Variants in NOP58 observed in about 807,000 individuals in gnomAD.
The protein encoded by NOP58 is nucleolar protein 58.
Under a neutral mutation model 71.2 loss-of-function variants are expected in NOP58, and 44 were observed. The observed-to-expected ratio is 0.62, with a 90% CI of 0.49 to 0.79. The LOEUF (loss-of-function observed/expected upper bound fraction) is 0.79. Among genes scored for constraint, NOP58 ranks in the 30% least tolerant of loss-of-function variants. The pLI, the probability that NOP58 is intolerant of heterozygous loss-of-function variation, is 0.00. For missense variants in NOP58, 538 were observed against 620.2 expected, an observed-to-expected ratio of 0.87 and a Z score of 1.41; for synonymous variants, 228 against 200.3, an observed-to-expected ratio of 1.14 and a Z score of -1.17.
intron 9 of NOP58, among the ~76,000 whole-genome samples, chr2:202,295,116 A>G: frequency 6.6e-6 from 1 of 152,230 alleles, no homozygotes; most frequent in East Asian, 1.9e-4. Context: ...TGGGATAGCA[A>G]GAGATTTAAA....
rs892382707 is a variant in NOP58, at chr2:202,290,545, A to G, written c.634+88A>G. Reference sequence around the variant, plus strand: ...ATGACGTATAGCATTTTGTTAAGCAAGATTCCCAGGGTTTTTGCAATTTCT... The same window carrying G: ...ATGACGTATAGCATTTTGTTAAGCAGGATTCCCAGGGTTTTTGCAATTTCT... On this transcript the variant is annotated intron_variant, in intron 7 of 14. Coordinates refer to ENST00000264279, the MANE Select transcript of NOP58 (RefSeq NM_015934.5). The G allele has an allele frequency of 4.9e-6, 6 of 1,212,980 alleles. No individual in the cohort carries two copies. The African/African-American group carries it at 6.1e-5, about 12-fold the overall frequency. 75.1% of individuals were successfully genotyped at this position (1,212,980 alleles called of 1,614,324 possible).
intron 1 of NOP58, among the ~76,000 whole-genome samples, chr2:202,268,591 G>GGAAGTTTTTT (rs1276893709): frequency 6.6e-6 from 1 of 151,436 alleles, no homozygotes; most frequent in Non-Finnish European, 1.5e-5. Context: ...GAATGCTTTA[G>GGAAGTTTTTT]GAAGTTTTTT....
intron 12 of NOP58, among the ~76,000 whole-genome samples, chr2:202,298,507 C>T (rs1689035326): frequency 6.6e-6 from 1 of 152,038 alleles, no homozygotes; most frequent in Non-Finnish European, 1.5e-5. Flanking sequence ...AAAAAATTAA[C>T]TGGGTGTGGT....
At chr2:202,297,310 T>TA (rs1689010856) in intron 10 of NOP58, 69 bp from the exon 11 acceptor site, 1 of 1,410,170 alleles carries the variant, frequency 7.1e-7, no homozygotes, top group Non-Finnish European at 9.8e-7. Flanking sequence ...CTCCTGATTT[T>TA]AAAACATCCA....
chr2:202,287,064 C>CT (rs11326861), intron 5 of NOP58, among the ~76,000 whole-genome samples: 3,895 of 110,710 alleles, frequency 0.035, 170 homozygotes, highest in East Asian at 0.044. Context: ...ACCAATATGG[C>CT]TTTTTTTTTT....
chr2:202,298,155 C>G (rs1445834949), intron 12 of NOP58, among the ~76,000 whole-genome samples: 2 of 152,122 alleles, frequency 1.3e-5, no homozygotes, highest in African/African-American at 4.8e-5. Flanking sequence ...ACCTTAAAAT[C>G]TACTTAGCAA....
chr2:202,267,713 A>G (rs1311222355), intron 1 of NOP58, among the ~76,000 whole-genome samples: 1 of 152,174 alleles, frequency 6.6e-6, no homozygotes, highest in Non-Finnish European at 1.5e-5. Flanking sequence ...AACTCTGCAC[A>G]GTGCACTGGT....
chr2:202,267,297 G>A (rs920121890), intron 1 of NOP58, among the ~76,000 whole-genome samples: 3 of 152,170 alleles, frequency 2.0e-5, no homozygotes, highest in Admixed American at 6.5e-5. Flanking sequence ...CATTTGTGGT[G>A]TGGATGCAAG....
chr2:202,281,496 G>C (rs896142901), intron 3 of NOP58, among the ~76,000 whole-genome samples: 1 of 152,124 alleles, frequency 6.6e-6, no homozygotes, highest in Non-Finnish European at 1.5e-5. Context: ...CTGGAGTACA[G>C]CGGCATGATC....
At chr2:202,272,872 C>T (rs1361016551) in intron 1 of NOP58, among the ~76,000 whole-genome samples, 3 of 152,306 alleles carry the variant, frequency 2.0e-5, no homozygotes, top group East Asian at 1.9e-4. Context: ...GGGTGGCTCA[C>T]GCCTGTAATC....
intron 1 of NOP58, among the ~76,000 whole-genome samples, chr2:202,274,103 A>T (rs942334911): frequency 6.6e-6 from 1 of 152,230 alleles, no homozygotes. Flanking sequence ...AATTTCTCAC[A>T]TCTAGATGTG....
chr2:202,302,808 A>G, intron 13 of NOP58, 113 bp from the exon 14 acceptor site: 2 of 1,393,500 alleles, frequency 1.4e-6, no homozygotes, highest in South Asian at 3.0e-5. Context: ...AACAAAACAA[A>G]CATTGGGTAG....
rs1243233503 is a variant in NOP58 at position 202,299,943 on chromosome 2, TC to T, written c.1269-286del. Reference sequence around the variant, plus strand: ...TGTGAAGACGTTTTCTCCTTTCATTTCCCCCATGCTGATTGAGTGTTTTCCT... The same window carrying T: ...TGTGAAGACGTTTTCTCCTTTCATTTCCCCATGCTGATTGAGTGTTTTCCT... On this transcript the variant is annotated intron_variant, in intron 12 of 14. Transcript: ENST00000264279. 5 of 211,162 alleles carry T rather than the reference TC, an allele frequency of 2.4e-5. No individual in the cohort carries two copies. In the South Asian group the frequency reaches 3.3e-4, roughly 14 times the overall value. 13.1% of individuals were successfully genotyped at this position (211,162 alleles called of 1,614,324 possible).
chr2:202,295,895 C>T, intron 10 of NOP58, 58 bp downstream of exon 10: 1 of 1,371,926 alleles, frequency 7.3e-7, no homozygotes, highest in African/African-American at 1.5e-5. Flanking sequence ...TTTTACAACC[C>T]ATTTTTCTTC....
At position 202,302,932 on chromosome 2, in the gene NOP58, G is replaced by A; in HGVS notation, c.1414G>A (p.Glu472Lys). The change falls in exon 14 of 15, where the codon GAA becomes AAA. Residue 472 changes from glutamate to lysine, a missense_variant. Physicochemically the swap from Glu to Lys is moderately conservative, Grantham distance 56. Coordinates refer to ENST00000264279, the MANE Select transcript of NOP58 (RefSeq NM_015934.5). ...CTTACCCTATTCAGTTGAAGAAGAG[G>A]AAGAAGAAAAAGTGGCAGAAGAAGA... The part of the protein sequence containing the change: ...AKIKVKVEEE[E>K]EEKVAEEEET... 6.2e-7 allele frequency: 1 copy of A among 1,603,590 alleles called. No homozygotes were observed. The highest frequency in any genetic ancestry group is 8.5e-7 in the Non-Finnish European group (1 of 1,178,808).
intron 3 of NOP58, among the ~76,000 whole-genome samples, chr2:202,281,120 CTTTTCTTTTTCT>C (rs753119499): frequency 1.3e-5 from 2 of 150,362 alleles, no homozygotes; most frequent in African/African-American, 2.5e-5. Flanking sequence ...AAGCATTTTT[CTTTTCTTTTTCT>C]TTTTCTTTTT....
At chr2:202,281,179 C>G (rs1420394842) in intron 3 of NOP58, among the ~76,000 whole-genome samples, 1 of 150,062 alleles carries the variant, frequency 6.7e-6, no homozygotes. Context: ...GTCACTTAGG[C>G]TGGAGTGCAA....
At chr2:202,277,903 C>A in intron 2 of NOP58, 47 bp from the exon 3 acceptor site, 1 of 981,410 alleles carries the variant, frequency 1.0e-6, no homozygotes, top group South Asian at 1.4e-5. Flanking sequence ...TTTGAATCAA[C>A]GCACTGCCCC....
In NOP58 at chr2:202,290,361, A is replaced by G. The variant is rs1401504495; in HGVS notation, c.538A>G (p.Ile180Val). Residue 180 changes from isoleucine (I) to valine (V), a missense_variant, in exon 7 of 15, where the codon ATT (isoleucine) becomes GTT (valine). By Grantham distance (29) the Ile-to-Val change is conservative. Coordinates refer to ENST00000264279, the MANE Select transcript of NOP58 (RefSeq NM_015934.5). ...DDLDKELNNY[I>V]MRCREWYGWH... is the part of the protein sequence containing the mutation. ...CTTGGATAAAGAACTAAACAACTAC[A>G]TTATGCGATGTAGAGAATGGTATGG... 5.6e-6 allele frequency: 9 copies of G among 1,609,786 alleles called. No individual in the cohort carries two copies. Among genetic ancestry groups the G allele is most frequent in the Middle Eastern group, 3.3e-4 (2 of 6,076 alleles).
Sources: allele counts gnomAD v4.1 joint callset (sites outside exome capture counted in the v4.1 genomes callset), GRCh38; gene constraint gnomAD v4.1.1; transcripts MANE v1.5; gene names NCBI Gene and HGNC (gene_info 2026-07-23, HGNC 2026-07-21).